TRPM1: variants seen among roughly 807,000 people sequenced by gnomAD.
TRPM1 encodes TRPM1-203 APA Isoform, Intron 10.
Under a neutral mutation model 149.4 loss-of-function variants are expected in TRPM1, and 113 were observed. The observed-to-expected ratio is 0.76, with a 90% CI of 0.65 to 0.88. TRPM1 has a LOEUF of 0.88. Ranked by LOEUF, TRPM1 falls within the 40% of genes least tolerant of loss-of-function variation. The pLI is 0.00. For synonymous variants in TRPM1, 741 were observed against 759.5 expected (o/e 0.98, Z 0.40); for missense variants, 1,976 against 2,038.7 (o/e 0.97, Z 0.59).
chr15:31,084,821 C>T (rs2034956145), intron 1 of TRPM1, among the ~76,000 whole-genome samples: 3 of 148,074 alleles, frequency 2.0e-5, no homozygotes, highest in South Asian at 2.2e-4. Flanking sequence ...TACAGGCGCC[C>T]GCCACCACGC....
intron 11 of TRPM1, among the ~76,000 whole-genome samples, chr15:31,051,327 G>C (rs895875800): frequency 6.6e-6 from 1 of 152,138 alleles, no homozygotes; most frequent in Admixed American, 6.5e-5. Context: ...AGACCCACCC[G>C]CTCCTCTTAC....
At chr15:31,091,213 C>T (rs2035228749) in intron 1 of TRPM1, among the ~76,000 whole-genome samples, 1 of 152,184 alleles carries the variant, frequency 6.6e-6, no homozygotes, top group Non-Finnish European at 1.5e-5. Flanking sequence ...CCGGGCCTCG[C>T]CTGCTGTGCT....
chr15:31,008,690 GTGGGAAGTGA>G (rs2032079859), intron 27 of TRPM1, among the ~76,000 whole-genome samples: 1 of 152,152 alleles, frequency 6.6e-6, no homozygotes, highest in African/African-American at 2.4e-5. Flanking sequence ...AGGAAATGAG[GTGGGAAGTGA>G]CCACAGCATT....
chr15:31,063,401 T>A, intron 7 of TRPM1, 109 bp from the exon 8 acceptor site: 1 of 1,373,592 alleles, frequency 7.3e-7, no homozygotes, highest in East Asian at 2.3e-5. Flanking sequence ...ACTTGGGGGA[T>A]GTTCTATCTG....
At chr15:31,067,295 G>A (rs1596034162) in intron 5 of TRPM1, 108 bp from the exon 6 acceptor site, 1 of 1,490,640 alleles carries the variant, frequency 6.7e-7, no homozygotes. Flanking sequence ...CTACAGATCA[G>A]GGGTGAGACA....
At chr15:31,127,219 G>T (rs1460810087) in intron 1 of TRPM1, among the ~76,000 whole-genome samples, 1 of 152,090 alleles carries the variant, frequency 6.6e-6, no homozygotes, top group Non-Finnish European at 1.5e-5. Flanking sequence ...AGCTTATCTC[G>T]TGGCATCTCC....
chr15:31,060,402 T>A, intron 11 of TRPM1, 142 bp downstream of exon 11: 1 of 744,386 alleles, frequency 1.3e-6, no homozygotes, highest in Non-Finnish European at 2.4e-6. Context: ...TGACATCTTC[T>A]AATGAGCCTA....
rs550895969 is a variant in TRPM1 at position 31,085,227 on chromosome 15, C to T, written c.-83-3789G>A. Among the ~76,000 whole-genome samples, 28 of 152,266 alleles carry T rather than the reference C, an allele frequency of 1.8e-4. 1 individual carries two copies. The highest frequency in any genetic ancestry group is 1.6e-3 in the Admixed American group (24 of 15,294). ...CCAGGGTGCCTCAGTCCAAGGTCTCCCCAGCTATGGCCAGTTCCAAGAGTC... is the reference window on the plus strand; with the variant it reads ...CCAGGGTGCCTCAGTCCAAGGTCTCTCCAGCTATGGCCAGTTCCAAGAGTC... On this transcript the variant is annotated intron_variant, in intron 1 of 27. Coordinates refer to ENST00000256552, the MANE Select transcript of TRPM1 (RefSeq NM_001252024.2).
chr15:31,076,186 G>C (rs1483103138), intron 3 of TRPM1, among the ~76,000 whole-genome samples: 1 of 152,194 alleles, frequency 6.6e-6, no homozygotes, highest in Non-Finnish European at 1.5e-5. Flanking sequence ...TGTGGGGCAA[G>C]GGGCAGCTTG....
At chr15:31,053,600 A>G (rs1054263410) in intron 11 of TRPM1, among the ~76,000 whole-genome samples, 5 of 152,208 alleles carry the variant, frequency 3.3e-5, no homozygotes, top group African/African-American at 1.2e-4. Context: ...AAAATGACAA[A>G]TGTTTGTGAA....
intron 1 of TRPM1, among the ~76,000 whole-genome samples, chr15:31,120,600 A>G (rs566903799): frequency 6.6e-6 from 1 of 152,284 alleles, no homozygotes; most frequent in East Asian, 1.9e-4. Context: ...CAGAATACAC[A>G]TTCTTCTCAA....
intron 1 of TRPM1, among the ~76,000 whole-genome samples, chr15:31,149,559 G>A (rs1219369179): frequency 1.6e-5 from 2 of 127,426 alleles, no homozygotes; most frequent in Admixed American, 9.5e-5. Flanking sequence ...GGAGTCTTTC[G>A]CCCAGGCTGG....
chr15:31,014,944 G>C (rs770671526), intron 27 of TRPM1, among the ~76,000 whole-genome samples: 5 of 151,892 alleles, frequency 3.3e-5, no homozygotes, highest in Admixed American at 6.6e-5. Flanking sequence ...TTTTGATGCA[G>C]TGGGTAGGGA....
intron 1 of TRPM1, among the ~76,000 whole-genome samples, chr15:31,149,677 G>C (rs1478362492): frequency 6.6e-6 from 1 of 152,066 alleles, no homozygotes; most frequent in Non-Finnish European, 1.5e-5. Context: ...CCGCCACCGC[G>C]CCTGGCTAAT....
chr15:31,029,960 A>G (rs558505932), intron 23 of TRPM1, among the ~76,000 whole-genome samples: 3 of 152,338 alleles, frequency 2.0e-5, no homozygotes, highest in Admixed American at 2.0e-4. Flanking sequence ...TTTAACGTGT[A>G]TGTATATCTA....
At chr15:31,003,606 G>A (rs1047151238) in intron 27 of TRPM1, among the ~76,000 whole-genome samples, 2 of 152,122 alleles carry the variant, frequency 1.3e-5, no homozygotes, top group Non-Finnish European at 2.9e-5. Flanking sequence ...CTTTGACTAT[G>A]GCTGTCAGCA....
chr15:31,024,933 G>T (rs2032670271), intron 27 of TRPM1, among the ~76,000 whole-genome samples: 1 of 152,146 alleles, frequency 6.6e-6, no homozygotes, highest in Non-Finnish European at 1.5e-5. Flanking sequence ...GTTGGATTTG[G>T]TTGGGTCACA....
intron 1 of TRPM1, among the ~76,000 whole-genome samples, chr15:31,157,194 T>A (rs1319343214): frequency 6.6e-6 from 1 of 152,232 alleles, no homozygotes; most frequent in Non-Finnish European, 1.5e-5. Context: ...ATTACAAGTG[T>A]GAGCCACCAC....
At chr15:31,011,189 C>T (rs1184806356) in intron 27 of TRPM1, among the ~76,000 whole-genome samples, 1 of 152,144 alleles carries the variant, frequency 6.6e-6, no homozygotes, top group Non-Finnish European at 1.5e-5. Flanking sequence ...TGAGTCTCTG[C>T]AGATAGCATG....
Sources: gnomAD v4.1 joint callset for allele counts (sites outside exome capture counted in the v4.1 genomes callset) on GRCh38, gnomAD v4.1.1 for gene constraint, MANE v1.5 for transcripts, NCBI Gene and HGNC (gene_info 2026-07-23, HGNC 2026-07-21) for gene names.